Variants in GOLM2 observed in about 807,000 individuals in gnomAD.
The protein encoded by GOLM2 is protein GOLM2.
GOLM2 carries 26 observed loss-of-function variants against 55.9 expected under a neutral mutation model. The ratio of observed to expected loss-of-function variants is 0.47; its 90% CI spans 0.34 to 0.65. The LOEUF is 0.65. GOLM2 is among the 30% of genes least tolerant of loss of function. The pLI is 0.01. For missense variants in GOLM2, 486 were observed against 531.8 expected, an observed-to-expected ratio of 0.91 and a Z score of 0.85; for synonymous variants, 165 against 194.6, an observed-to-expected ratio of 0.85 and a Z score of 1.27.
At chr15:44,336,705 A>C (rs2079059235) in intron 4 of GOLM2, among the ~76,000 whole-genome samples, 1 of 151,900 alleles carries the variant, frequency 6.6e-6, no homozygotes, top group Non-Finnish European at 1.5e-5. Flanking sequence ...TGACGAGGTC[A>C]GGAGATCGAG....
intron 6 of GOLM2, among the ~76,000 whole-genome samples, chr15:44,352,659 C>T (rs932192404): frequency 3.3e-5 from 5 of 152,014 alleles, no homozygotes; most frequent in African/African-American, 4.8e-5. Flanking sequence ...CACCTTTAAT[C>T]CTAGTACTTT....
chr15:44,396,910 T>C (rs1283147978), intron 8 of GOLM2, among the ~76,000 whole-genome samples: 2 of 152,202 alleles, frequency 1.3e-5, no homozygotes, highest in African/African-American at 2.4e-5. Flanking sequence ...GTTGTTTCTT[T>C]GTGTTCTCAT....
At chr15:44,300,098 C>CAAA (rs1256686119) in intron 1 of GOLM2, among the ~76,000 whole-genome samples, 2 of 122,432 alleles carry the variant, frequency 1.6e-5, no homozygotes, top group Admixed American at 9.6e-5. Context: ...GACCCTGTCT[C>CAAA]AAAAAAAGAA....
intron 1 of GOLM2, among the ~76,000 whole-genome samples, chr15:44,296,720 C>A (rs2078759072): frequency 6.6e-6 from 1 of 152,186 alleles, no homozygotes; most frequent in Non-Finnish European, 1.5e-5. Context: ...CCCTAGCCTA[C>A]CTGCCTCACC....
chr15:44,332,034 G>A lies in GOLM2; in HGVS notation c.532G>A (p.Glu178Lys). 1 of 1,603,090 alleles carries A rather than the reference G, an allele frequency of 6.2e-7. No homozygotes were observed. Among genetic ancestry groups the A allele is most frequent in the Non-Finnish European group, 8.5e-7 (1 of 1,174,574 alleles). The change falls in exon 4 of 10, where the codon GAA becomes AAA. Residue 178 changes from glutamate to lysine, a missense_variant. Transcript: ENST00000299957. ...QMKELRAQHE[E>K]NIKKLADQFL... is the part of the protein sequence containing the mutation. ...GAAGGAATTGAGAGCACAGCATGAA[G>A]AAAATATTAAAAAGTTAGCAGACCA... is the stretch of plus-strand genomic sequence containing the variant.
chr15:44,395,675 C>G (rs142961426), intron 8 of GOLM2, among the ~76,000 whole-genome samples: 15,259 of 151,016 alleles, frequency 0.1, 1,627 homozygotes, highest in African/African-American at 0.26. Context: ...CCCCGTCTCT[C>G]CTAAAAATGC....
intron 1 of GOLM2, among the ~76,000 whole-genome samples, chr15:44,313,829 A>G (rs760119443): frequency 1.3e-5 from 2 of 152,222 alleles, no homozygotes; most frequent in Non-Finnish European, 2.9e-5. Context: ...TAAATAATGA[A>G]TAAGCACCAC....
chr15:44,298,860 T>C (rs532739075), intron 1 of GOLM2, among the ~76,000 whole-genome samples: 21 of 152,282 alleles, frequency 1.4e-4, no homozygotes, highest in Non-Finnish European at 1.0e-4. Flanking sequence ...TTTGCAGATG[T>C]AATCAAGTTA....
intron 9 of GOLM2, among the ~76,000 whole-genome samples, chr15:44,404,564 C>T (rs557588902): frequency 1.3e-5 from 2 of 151,634 alleles, no homozygotes; most frequent in South Asian, 2.1e-4. Context: ...TAAATTTTAT[C>T]ATTTTTTCTC....
intron 1 of GOLM2, among the ~76,000 whole-genome samples, chr15:44,291,051 C>A (rs1311823785): frequency 1.3e-5 from 2 of 151,376 alleles, no homozygotes; most frequent in East Asian, 3.9e-4. Context: ...GATCCGCCCG[C>A]CTCAGCCTCC....
intron 6 of GOLM2, among the ~76,000 whole-genome samples, chr15:44,352,265 A>G (rs1037887993): frequency 6.6e-6 from 1 of 152,234 alleles, no homozygotes; most frequent in Admixed American, 6.5e-5. Flanking sequence ...GAAACAGTTC[A>G]TACATCTACA....
At chr15:44,395,351 C>G (rs925244927) in intron 8 of GOLM2, among the ~76,000 whole-genome samples, 2 of 151,954 alleles carry the variant, frequency 1.3e-5, no homozygotes, top group East Asian at 3.9e-4. Flanking sequence ...AAATTGAAAC[C>G]CGTAAACGAA....
At chr15:44,339,135 T>A (rs1230864336) in intron 6 of GOLM2, among the ~76,000 whole-genome samples, 2 of 152,188 alleles carry the variant, frequency 1.3e-5, no homozygotes, top group African/African-American at 4.8e-5. Flanking sequence ...TTGCTGAATG[T>A]TTAGATCAAA....
intron 8 of GOLM2, among the ~76,000 whole-genome samples, chr15:44,394,311 G>T (rs141750739): frequency 6.6e-6 from 1 of 152,292 alleles, no homozygotes; most frequent in East Asian, 1.9e-4. Flanking sequence ...CACAACAGGG[G>T]ATACATTCTG....
intron 6 of GOLM2, among the ~76,000 whole-genome samples, chr15:44,357,801 T>C (rs1012592543): frequency 1.3e-5 from 2 of 152,168 alleles, no homozygotes; most frequent in Non-Finnish European, 2.9e-5. Context: ...CCATTTATAG[T>C]AGTACTCTCA....
chr15:44,288,779 TC>T lies in GOLM2; in HGVS notation c.-248del. The T allele has an allele frequency of 1.9e-6, 1 of 515,286 alleles. No homozygotes were observed. The highest frequency in any genetic ancestry group is 3.4e-6 in the Non-Finnish European group (1 of 293,436). The allele number at this position is 515,286 out of a possible 1,614,324, so 31.9% of individuals were successfully genotyped here. ...ACGCTGGCAGCTGGGTTCTCCCGGT[TC>T]CCTTGGGCAGGTGCAGGGTCGGGTT... On this transcript the variant is annotated 5_prime_UTR_variant, in exon 1 of 10. Coordinates refer to ENST00000299957, the MANE Select transcript of GOLM2 (RefSeq NM_138423.4).
intron 9 of GOLM2, among the ~76,000 whole-genome samples, chr15:44,412,245 G>A (rs571686569): frequency 6.6e-6 from 1 of 152,256 alleles, no homozygotes; most frequent in South Asian, 2.1e-4. Context: ...AGCAAAATTA[G>A]AAAAGAAGGA....
At chr15:44,378,357 T>C (rs2079378724) in intron 6 of GOLM2, among the ~76,000 whole-genome samples, 1 of 149,238 alleles carries the variant, frequency 6.7e-6, no homozygotes, top group South Asian at 2.1e-4. Context: ...GCCAGGACTT[T>C]TTTTTTTTTT....
At position 44,378,059 on chromosome 15, in the gene GOLM2, A is replaced by ATTTATTTT. The variant is rs1567039422; in HGVS notation, c.803-1628_803-1627insATTTTTTT. Among the ~76,000 whole-genome samples, 3 of 149,122 alleles carry ATTTATTTT rather than the reference A, an allele frequency of 2.0e-5. No homozygotes were observed. The East Asian group carries it at 5.9e-4, about 29-fold the overall frequency. On this transcript the variant is annotated intron_variant, in intron 6 of 9. Coordinates refer to ENST00000299957, the MANE Select transcript of GOLM2 (RefSeq NM_138423.4). ...TATTTATTTATTTATTTATTTATTT[A>ATTTATTTT]TTTTTTTGAGACGGAGTCTTGCTCT...
Sources: gnomAD v4.1 joint callset for allele counts (sites outside exome capture counted in the v4.1 genomes callset) on GRCh38, gnomAD v4.1.1 for gene constraint, MANE v1.5 for transcripts, NCBI Gene and HGNC (gene_info 2026-07-23, HGNC 2026-07-21) for gene names.